DNAH12: variants seen among roughly 807,000 people sequenced by gnomAD.
DNAH12 encodes axonemal beta dynein heavy chain 12.
DNAH12 carries 285 observed loss-of-function variants against 371.5 expected under a neutral mutation model. That is an observed-to-expected ratio of 0.77 (90% confidence interval 0.70 to 0.85). The LOEUF is 0.85. DNAH12 is among the 40% of genes least tolerant of loss of function. The probability of loss-of-function intolerance (pLI) is 0.00; values close to 1 mark genes in which losing one functional copy is unlikely to be tolerated. For synonymous variants in DNAH12, 1,200 were observed against 1,213.0 expected (o/e 0.99, Z 0.22); for missense variants, 3,611 against 3,689.4 (o/e 0.98, Z 0.55).
At chr3:57,342,493 A>C (rs1190531755) in intron 60 of DNAH12, among the ~76,000 whole-genome samples, 2 of 144,748 alleles carry the variant, frequency 1.4e-5, no homozygotes, top group East Asian at 4.1e-4. Flanking sequence ...ACAAAAAAAA[A>C]AAAAAAAAAA....
chr3:57,351,133 G>A (rs1269376187), intron 60 of DNAH12, among the ~76,000 whole-genome samples: 1 of 152,014 alleles, frequency 6.6e-6, no homozygotes, highest in Non-Finnish European at 1.5e-5. Flanking sequence ...GCTGGGCATG[G>A]TGGTGCACGC....
chr3:57,478,898 C>T (rs1343499737), intron 13 of DNAH12, among the ~76,000 whole-genome samples: 2 of 152,104 alleles, frequency 1.3e-5, no homozygotes, highest in African/African-American at 4.8e-5. Context: ...ACCACCAGGC[C>T]TGCCCTAAAA....
chr3:57,430,188 G>C (rs895439900), intron 32 of DNAH12, among the ~76,000 whole-genome samples: 1 of 151,988 alleles, frequency 6.6e-6, no homozygotes, highest in African/African-American at 2.4e-5. Flanking sequence ...CTTATACCCA[G>C]CTCATAGATT....
rs542657497 is a variant in DNAH12 at position 57,530,551 on chromosome 3, GT to G, written c.171-6668del. ...TATTTCTTCTAAATTTTTTTAGATTGTTTTTTGTTTAAAATCTCTTCCTCCT... is the reference window on the plus strand; with the variant it reads ...TATTTCTTCTAAATTTTTTTAGATTGTTTTTGTTTAAAATCTCTTCCTCCT... On this transcript the variant is annotated intron_variant, in intron 2 of 73. Coordinates refer to ENST00000495027, the MANE Select transcript of DNAH12 (RefSeq NM_001366028.2). The G allele has an allele frequency of 4.3e-5, 30 of 690,514 alleles. No individual in the cohort carries two copies. The South Asian group carries it at 4.5e-4, about 10-fold the overall frequency. 42.8% of individuals were successfully genotyped at this position (690,514 alleles called of 1,614,324 possible).
intron 59 of DNAH12, among the ~76,000 whole-genome samples, chr3:57,354,532 G>T (rs2062752910): frequency 2.8e-5 from 3 of 105,582 alleles, no homozygotes; most frequent in African/African-American, 3.5e-5. Context: ...CCTATGTCTT[G>T]TTTGCTAAAA....
At chr3:57,458,488 G>C (rs575951190) in intron 20 of DNAH12, among the ~76,000 whole-genome samples, 1 of 152,262 alleles carries the variant, frequency 6.6e-6, no homozygotes, top group South Asian at 2.1e-4. Flanking sequence ...TATTTCGAAT[G>C]ATGTGAGAAA....
At chr3:57,338,220 C>G (rs1269950993) in intron 60 of DNAH12, among the ~76,000 whole-genome samples, 2 of 152,202 alleles carry the variant, frequency 1.3e-5, no homozygotes, top group African/African-American at 4.8e-5. Context: ...CTGTGTTGGC[C>G]GGGCTGGTCT....
intron 33 of DNAH12, 63 bp downstream of exon 33, chr3:57,429,628 T>C (rs1287795712): frequency 7.0e-7 from 1 of 1,429,108 alleles, no homozygotes; most frequent in Non-Finnish European, 9.4e-7. Flanking sequence ...AAAAAATACT[T>C]ATTGGCTAAA....
intron 2 of DNAH12, 33 bp downstream of exon 2, chr3:57,542,668 C>T: frequency 6.5e-7 from 1 of 1,535,800 alleles, no homozygotes; most frequent in Non-Finnish European, 8.7e-7. Context: ...ACTTGAATTC[C>T]AAGCAAGAAT....
intron 60 of DNAH12, among the ~76,000 whole-genome samples, chr3:57,340,266 A>G (rs1388845939): frequency 6.6e-6 from 1 of 152,144 alleles, no homozygotes; most frequent in Admixed American, 6.5e-5. Flanking sequence ...AAGAAACTAG[A>G]AAAGCAAGAA....
At chr3:57,304,999 A>G (rs1056051798) in intron 69 of DNAH12, among the ~76,000 whole-genome samples, 7 of 151,708 alleles carry the variant, frequency 4.6e-5, no homozygotes, top group African/African-American at 1.7e-4. Flanking sequence ...AACCTCTTCA[A>G]CTCACACCTG....
At chr3:57,511,143 A>T (rs1379804683) in intron 4 of DNAH12, among the ~76,000 whole-genome samples, 164 bp from the exon 5 acceptor site, 1 of 152,188 alleles carries the variant, frequency 6.6e-6, no homozygotes, top group Non-Finnish European at 1.5e-5. Context: ...TCCCACAAAG[A>T]AACCATTTTA....
chr3:57,377,243 C>T (rs2063299048), intron 52 of DNAH12, 21 bp from the exon 53 acceptor site: 1 of 152,124 alleles, frequency 6.6e-6, no homozygotes, highest in African/African-American at 2.4e-5. Flanking sequence ...AGAATATATG[C>T]AGATATGATG....
At position 57,310,851 on chromosome 3, in the gene DNAH12, G is replaced by T. The variant is rs201732420; in HGVS notation, c.10762C>A (p.Arg3588Ser). Residue 3588 changes from arginine to serine, a missense_variant, in exon 67 of 74, where the codon CGT becomes AGT. Physicochemically the swap from Arg to Ser is moderately radical, Grantham distance 110 (BLOSUM62 -1). Transcript: ENST00000495027. ...TCAGCCAGCATGGTTAATAGAAGACGTCTGTCCCAATCGTCTGTCACTCTT... is the reference window on the plus strand; with the variant it reads ...TCAGCCAGCATGGTTAATAGAAGACTTCTGTCCCAATCGTCTGTCACTCTT... ...GGRVTDDWDRRLLLTMLADFY... is the reference protein window; with the variant it reads ...GGRVTDDWDRSLLLTMLADFY... The T allele has an allele frequency of 6.4e-7, 1 of 1,551,488 alleles. No individual in the cohort carries two copies. Among genetic ancestry groups the T allele is most frequent in the Non-Finnish European group, 8.7e-7 (1 of 1,146,880 alleles).
intron 25 of DNAH12, among the ~76,000 whole-genome samples, chr3:57,449,562 G>GT (rs1358533426): frequency 6.6e-6 from 1 of 152,218 alleles, no homozygotes; most frequent in East Asian, 1.9e-4. Flanking sequence ...GGGGGACCCA[G>GT]TACACCCTCC....
intron 28 of DNAH12, 73 bp downstream of exon 28, chr3:57,445,101 G>C (rs1190705829): frequency 7.0e-7 from 1 of 1,433,394 alleles, no homozygotes; most frequent in Non-Finnish European, 9.2e-7. Context: ...CCTATTTGTA[G>C]TTCCTGATTA....
At chr3:57,354,550 GA>G (rs1178880629) in intron 59 of DNAH12, among the ~76,000 whole-genome samples, 16 of 136,818 alleles carry the variant, frequency 1.2e-4, no homozygotes, top group Admixed American at 2.2e-4. Context: ...AAAAAAAAAA[GA>G]AAAAAAAAAA....
intron 68 of DNAH12, 37 bp from the exon 69 acceptor site, chr3:57,309,291 C>A (rs2061538653): frequency 6.9e-7 from 1 of 1,458,768 alleles, no homozygotes; most frequent in African/African-American, 1.4e-5. Flanking sequence ...AAATTATTCT[C>A]AGAATGGATA....
intron 2 of DNAH12, among the ~76,000 whole-genome samples, chr3:57,535,478 G>C (rs192348613): frequency 6.6e-6 from 1 of 152,132 alleles, no homozygotes; most frequent in Admixed American, 6.6e-5. Flanking sequence ...CACTATGCTC[G>C]TGAACTTCCC....
Sources: gnomAD v4.1 joint callset for allele counts (sites outside exome capture counted in the v4.1 genomes callset) on GRCh38, gnomAD v4.1.1 for gene constraint, MANE v1.5 for transcripts, NCBI Gene and HGNC (gene_info 2026-07-23, HGNC 2026-07-21) for gene names.